Variants in ANKRD35 observed in about 807,000 individuals in gnomAD.
ANKRD35 encodes ankyrin repeat domain 35.
Under a neutral mutation model 109.9 loss-of-function variants are expected in ANKRD35, and 102 were observed. The ratio of observed to expected loss-of-function variants is 0.93; its 90% CI spans 0.79 to 1.09. The LOEUF (loss-of-function observed/expected upper bound fraction) is 1.09, where lower values mean the gene tolerates loss of function less well. Among genes scored for constraint, ANKRD35 ranks in the 50% least tolerant of loss-of-function variants. The pLI is 0.00. For missense variants in ANKRD35, 1,240 were observed against 1,230.1 expected, an observed-to-expected ratio of 1.01 and a Z score of -0.12; for synonymous variants, 515 against 512.4, an observed-to-expected ratio of 1.01 and a Z score of -0.07.
Position 145,878,496 on chromosome 1 carries a change from C to T in ANKRD35, c.171-17G>A, listed in dbSNP as rs372213186. The T allele has an allele frequency of 3.0e-5, 46 of 1,557,982 alleles. No homozygotes were observed. The highest frequency in any genetic ancestry group is 2.4e-4 in the East Asian group (10 of 41,990). On this transcript the variant is annotated splice_polypyrimidine_tract_variant and intron_variant, in intron 2 of 13. Transcript: ENST00000355594. Reference sequence around the variant, plus strand: ...AGATGAAACCTGCCAGAATCAAGGCCGAGAGGCCAAAGGATAAAGGGACCA... The same window carrying T: ...AGATGAAACCTGCCAGAATCAAGGCTGAGAGGCCAAAGGATAAAGGGACCA...
chr1:145,873,810 G>A lies in ANKRD35; in HGVS notation c.959C>T (p.Thr320Ile). 1 of 1,609,030 alleles carries A rather than the reference G, an allele frequency of 6.2e-7. No individual in the cohort carries two copies. Among genetic ancestry groups the A allele is most frequent in the Non-Finnish European group, 8.5e-7 (1 of 1,177,464 alleles). ...VRLEQELVQKTEECKTQAAAY... is the reference protein window; with the variant it reads ...VRLEQELVQKIEECKTQAAAY... ...TGCAGCTTGAGTCTTACACTCTTCTGTCTTTTGCACCAGCTCCTGCTCCAG... is the reference window on the plus strand; with the variant it reads ...TGCAGCTTGAGTCTTACACTCTTCTATCTTTTGCACCAGCTCCTGCTCCAG... The change falls in exon 10 of 14, where the codon ACA becomes ATA. Residue 320 changes from threonine to isoleucine, a missense_variant. Physicochemically the swap from Thr to Ile is moderately conservative, Grantham distance 89. Transcript: ENST00000355594.
intron 7 of ANKRD35, among the ~76,000 whole-genome samples, 159 bp from the exon 8 acceptor site, chr1:145,875,165 G>A (rs1216137565): frequency 1.3e-5 from 2 of 150,322 alleles, no homozygotes; most frequent in Non-Finnish European, 3.0e-5. Context: ...TTTTTTTTGA[G>A]ACGGAGTTTC....
rs2101707313 is a variant in ANKRD35 at position 145,873,353 on chromosome 1, T to G, written c.1416A>C (p.Gly472=). The change falls in exon 10 of 14, where the codon GGA becomes GGC. Residue 472 remains glycine, a synonymous_variant. Transcript: ENST00000355594. The part of the protein sequence containing the change: ...AGQKESSQVL[G]VEPGGTVAEP... ...CAGCCACTGTGCCTCCTGGTTCAAC[T>G]CCTAGAACCTGGGAACTCTCCTTCT... The G allele has an allele frequency of 6.2e-7, 1 of 1,614,176 alleles. No individual in the cohort carries two copies. Among genetic ancestry groups the G allele is most frequent in the Non-Finnish European group, 8.5e-7 (1 of 1,180,024 alleles).
intron 8 of ANKRD35, 92 bp from the exon 9 acceptor site, chr1:145,874,284 G>C: frequency 3.7e-6 from 5 of 1,365,596 alleles, no homozygotes; most frequent in African/African-American, 1.4e-5. Flanking sequence ...TCTGAGAGGA[G>C]TGGCCTCTCT....
Position 145,873,641 on chromosome 1 carries a change from G to C in ANKRD35, c.1128C>G (p.Asp376Glu). ...GCTCTTGTGTACTCTCAGCCAGCAG[G>C]TCCTTAGGACAACCCTGCTCCATGC... is the stretch of plus-strand genomic sequence containing the variant. ...GDGMEQGCPK[D>E]LLAESTQELK... Residue 376 changes from aspartate (D) to glutamate (E), a missense_variant, in exon 10 of 14, where the codon GAC (aspartate) becomes GAG (glutamate). By Grantham distance (45) the Asp-to-Glu change is conservative. Coordinates refer to ENST00000355594, the MANE Select transcript of ANKRD35 (RefSeq NM_144698.5). The C allele has an allele frequency of 1.9e-6, 3 of 1,614,062 alleles. No homozygotes were observed. Among genetic ancestry groups the C allele is most frequent in the Non-Finnish European group, 2.5e-6 (3 of 1,180,000 alleles).
chr1:145,867,156 T>C, intron 13 of ANKRD35, 131 bp downstream of exon 13: 2 of 612,168 alleles, frequency 3.3e-6, no homozygotes, highest in South Asian at 3.6e-5. Flanking sequence ...TCACCTCAAA[T>C]GCTCTATGCC....
rs1653853690 is a variant in ANKRD35 at position 145,872,207 on chromosome 1, C to T, written c.2562G>A (p.Lys854=). The change falls in exon 10 of 14, where the codon AAG becomes AAA. Residue 854 remains lysine, a synonymous_variant. Transcript: ENST00000355594. The part of the protein sequence containing the change: ...AQAQAWGQEL[K]ALLEKYNTAC... ...CCGTATTATACTTTTCCAACAGAGC[C>T]TTTAGCTCCTGGCCCCAAGCCTGAG... 1 of 1,609,778 alleles carries T rather than the reference C, an allele frequency of 6.2e-7. No homozygotes were observed. The highest frequency in any genetic ancestry group is 8.5e-7 in the Non-Finnish European group (1 of 1,178,470).
chr1:145,880,383 G>A (rs1407689046), intron 1 of ANKRD35, among the ~76,000 whole-genome samples: 1 of 152,184 alleles, frequency 6.6e-6, no homozygotes, highest in Non-Finnish European at 1.5e-5. Flanking sequence ...TCGCTGGCTG[G>A]CCTGAGTTTG....
In ANKRD35 at chr1:145,879,301, T is replaced by A. The variant is rs1167979147; in HGVS notation, c.127A>T (p.Lys43Ter). 4.5e-5 allele frequency: 73 copies of A among 1,611,692 alleles called. No homozygotes were observed. The highest frequency in any genetic ancestry group is 6.2e-5 in the Non-Finnish European group (73 of 1,179,100). The change falls in exon 2 of 14, where the codon AAA (lysine) becomes TAA (stop). Residue 43 changes from lysine (K) to a stop codon, truncating the protein, a stop_gained. Transcript: ENST00000355594. LOFTEE classifies it high-confidence loss of function. ...VGRVAALASR[K>*]SARPTKLDSN... The stretch of plus-strand genomic sequence containing the variant: ...TCAAGCTTGGTGGGTCGGGCAGATT[T>A]CCTGGAGGCCAGGGCAGCCACGCGT...
intron 1 of ANKRD35, among the ~76,000 whole-genome samples, chr1:145,879,886 G>A (rs1164292429): frequency 1.6e-5 from 2 of 128,706 alleles, no homozygotes; most frequent in Non-Finnish European, 3.4e-5. Flanking sequence ...AAGGCACCGA[G>A]CTTCAGGTTA....
chr1:145,884,430 C>T (rs1490406288), intron 1 of ANKRD35, among the ~76,000 whole-genome samples: 1 of 152,204 alleles, frequency 6.6e-6, no homozygotes, highest in East Asian at 1.9e-4. Context: ...GCTAATTGAA[C>T]ATTTCTGATA....
At chr1:145,874,301 A>G (rs1373273397) in intron 8 of ANKRD35, 109 bp from the exon 9 acceptor site, 1 of 1,173,730 alleles carries the variant, frequency 8.5e-7, no homozygotes, top group Non-Finnish European at 1.3e-6. Flanking sequence ...CTCTGTGATC[A>G]ATCTCACTGC....
chr1:145,873,018 T>C lies in ANKRD35; in HGVS notation c.1751A>G (p.Lys584Arg), dbSNP rs1653904823. The part of the protein sequence containing the change: ...APGSIKQDEE[K>R]EKRVPGAQGE... ...TTGAGCCCCAGGAACCCTTTTCTCC[T>C]TCTCTTCATCCTGTTTGATGCTCCC... The change falls in exon 10 of 14, where the codon AAG (lysine) becomes AGG (arginine). Residue 584 changes from lysine (K) to arginine (R), a missense_variant. Physicochemically the swap from Lys to Arg is conservative, Grantham distance 26. Transcript: ENST00000355594. The C allele has an allele frequency of 6.2e-7, 1 of 1,610,940 alleles. No homozygotes were observed.
intron 6 of ANKRD35, 84 bp downstream of exon 6, chr1:145,876,485 G>T: frequency 6.6e-7 from 1 of 1,507,348 alleles, no homozygotes; most frequent in Non-Finnish European, 9.2e-7. Context: ...ACAGCCCTAG[G>T]TCGTGGAAGT....
At chr1:145,882,907 T>C (rs1163633422) in intron 1 of ANKRD35, among the ~76,000 whole-genome samples, 1 of 152,124 alleles carries the variant, frequency 6.6e-6, no homozygotes, top group African/African-American at 2.4e-5. Flanking sequence ...GAAGTAATTG[T>C]ACCTTCTCCT....
intron 2 of ANKRD35, 73 bp downstream of exon 2, chr1:145,879,185 C>T: frequency 7.0e-7 from 1 of 1,437,434 alleles, no homozygotes; most frequent in African/African-American, 1.5e-5. Flanking sequence ...TTCCCTGGTC[C>T]TATGTTATAT....
intron 3 of ANKRD35, 64 bp downstream of exon 3, chr1:145,878,327 G>GC: frequency 6.8e-7 from 1 of 1,479,228 alleles, no homozygotes; most frequent in Non-Finnish European, 9.2e-7. Flanking sequence ...GCCCAGCACC[G>GC]CCCCCGACTG....
chr1:145,882,297 T>C (rs1402094017), intron 1 of ANKRD35, among the ~76,000 whole-genome samples: 5 of 115,758 alleles, frequency 4.3e-5, no homozygotes, highest in Non-Finnish European at 8.4e-5. Context: ...CTTTCTTTCC[T>C]TTTTTTTTTT....
In ANKRD35 at chr1:145,873,857, C is replaced by A. The variant is rs782064546; in HGVS notation, c.912G>T (p.Glu304Asp). The A allele has an allele frequency of 1.9e-6, 3 of 1,613,554 alleles. No individual in the cohort carries two copies. Among genetic ancestry groups the A allele is most frequent in the Non-Finnish European group, 2.5e-6 (3 of 1,179,738 alleles). Reference sequence around the variant, plus strand: ...CCAGCCGAACAACTTTCCTCCGCTCCTCTTCATACTTCCACCTCCACTCCT... The same window carrying A: ...CCAGCCGAACAACTTTCCTCCGCTCATCTTCATACTTCCACCTCCACTCCT... The part of the protein sequence containing the change: ...CSEEWRWKYE[E>D]ERRKVVRLEQ... Residue 304 changes from glutamate (E) to aspartate (D), a missense_variant, in exon 10 of 14, where the codon GAG becomes GAT. Physicochemically the swap from Glu to Asp is conservative, Grantham distance 45 (BLOSUM62 2). Transcript: ENST00000355594.
Sources: allele counts gnomAD v4.1 joint callset (sites outside exome capture counted in the v4.1 genomes callset), GRCh38; gene constraint gnomAD v4.1.1; transcripts MANE v1.5; gene names NCBI Gene and HGNC (gene_info 2026-07-23, HGNC 2026-07-21).